The following CHRM3 variants were observed in gnomAD, a reference collection of about 807,000 sequenced individuals.
CHRM3 encodes muscarinic acetylcholine receptor M3.
CHRM3 carries 11 observed loss-of-function variants against 41.8 expected under a neutral mutation model. The ratio of observed to expected loss-of-function variants is 0.26; its 90% CI spans 0.17 to 0.44. CHRM3 has a LOEUF of 0.44. Ranked by LOEUF, CHRM3 falls within the 20% of genes least tolerant of loss-of-function variation. The pLI is 1.00. For synonymous variants in CHRM3, 297 were observed against 301.4 expected, an observed-to-expected ratio of 0.99 and a Z score of 0.15; for missense variants, 571 against 745.4, an observed-to-expected ratio of 0.77 and a Z score of 2.72.
chr1:239,500,244 T>C lies in CHRM3; in HGVS notation c.-422+7437T>C, dbSNP rs180673415. 3.3e-5 allele frequency among the ~76,000 whole-genome samples: 5 copies of C among 152,154 alleles called. No individual in the cohort carries two copies. In the East Asian group the frequency reaches 9.7e-4, roughly 29 times the overall value. On this transcript the variant is annotated intron_variant, in intron 2 of 6. Transcript: ENST00000676153. ...AATGTCCAAGAATGATAGATTGGAT[T>C]AAGAAAATGTGGCACATATACACCA...
At chr1:239,572,220 A>T (rs921139558) in intron 3 of CHRM3, among the ~76,000 whole-genome samples, 7 of 152,180 alleles carry the variant, frequency 4.6e-5, no homozygotes, top group Non-Finnish European at 1.0e-4. Flanking sequence ...TCTACCCATG[A>T]TGACATTGAG....
At chr1:239,503,921 T>G (rs182332562) in intron 2 of CHRM3, among the ~76,000 whole-genome samples, 103 of 152,280 alleles carry the variant, frequency 6.8e-4, no homozygotes, top group Middle Eastern at 3.4e-3. Context: ...CAACTCAAAA[T>G]GGATTAAGTA....
At chr1:239,666,484 G>T (rs1038295348) in intron 4 of CHRM3, among the ~76,000 whole-genome samples, 1 of 151,976 alleles carries the variant, frequency 6.6e-6, no homozygotes, top group South Asian at 2.1e-4. Context: ...GAGTCACCGA[G>T]CCCGGCCTGT....
chr1:239,731,695 A>C (rs1663980950), intron 5 of CHRM3, among the ~76,000 whole-genome samples: 1 of 152,014 alleles, frequency 6.6e-6, no homozygotes, highest in Non-Finnish European at 1.5e-5. Flanking sequence ...AATATCTGGC[A>C]GCAGTTAGAT....
rs144526252 is a variant in CHRM3, at chr1:239,530,354, T to G, written c.-421-15287T>G. 2.2e-4 allele frequency among the ~76,000 whole-genome samples: 33 copies of G among 152,350 alleles called. No homozygotes were observed. In the East Asian group the frequency reaches 4.8e-3, roughly 22 times the overall value. Reference sequence around the variant, plus strand: ...GAACTGAAACTAATATGATATATTTTTAACTATATTGCTCGATCCATTAAA... The same window carrying G: ...GAACTGAAACTAATATGATATATTTGTAACTATATTGCTCGATCCATTAAA... On this transcript the variant is annotated intron_variant, in intron 2 of 6. Coordinates refer to ENST00000676153, the MANE Select transcript of CHRM3 (RefSeq NM_001375978.1).
At chr1:239,584,166 C>T (rs1439154238) in intron 3 of CHRM3, among the ~76,000 whole-genome samples, 3 of 140,622 alleles carry the variant, frequency 2.1e-5, no homozygotes, top group South Asian at 4.4e-4. Flanking sequence ...TGCAGTGGTG[C>T]GATCTTGGCT....
chr1:239,538,475 C>A (rs556935207), intron 2 of CHRM3, among the ~76,000 whole-genome samples: 1 of 152,276 alleles, frequency 6.6e-6, no homozygotes, highest in East Asian at 1.9e-4. Flanking sequence ...TTATCCCCTG[C>A]CTGCCAAAGG....
chr1:239,518,488 G>C (rs1424515340), intron 2 of CHRM3, among the ~76,000 whole-genome samples: 1 of 152,192 alleles, frequency 6.6e-6, no homozygotes, highest in Non-Finnish European at 1.5e-5. Context: ...GATGCTCTCA[G>C]TGGGGGATGG....
chr1:239,615,342 A>C (rs974127030), intron 3 of CHRM3, among the ~76,000 whole-genome samples: 1 of 152,140 alleles, frequency 6.6e-6, no homozygotes, highest in Non-Finnish European at 1.5e-5. Flanking sequence ...AGGTACTTCC[A>C]TGTAATCAGC....
At chr1:239,513,246 T>C (rs1342274868) in intron 2 of CHRM3, among the ~76,000 whole-genome samples, 1 of 152,234 alleles carries the variant, frequency 6.6e-6, no homozygotes, top group Non-Finnish European at 1.5e-5. Context: ...GGGCCTTGAT[T>C]AAATTAGCAT....
intron 2 of CHRM3, among the ~76,000 whole-genome samples, chr1:239,508,482 T>G (rs772976666): frequency 6.6e-5 from 10 of 152,222 alleles, no homozygotes; most frequent in Non-Finnish European, 1.2e-4. Context: ...TATTTGCAAT[T>G]TAATACTTGT....
chr1:239,794,387 GTT>G (rs10925977), intron 5 of CHRM3, among the ~76,000 whole-genome samples: 8,175 of 115,248 alleles, frequency 0.071, 239 homozygotes, highest in East Asian at 0.25. Flanking sequence ...TTCGTTTGTT[GTT>G]TTTTTTTTTT....
chr1:239,871,254 AT>A (rs1175598766), intron 6 of CHRM3, among the ~76,000 whole-genome samples: 1 of 152,010 alleles, frequency 6.6e-6, no homozygotes, highest in Non-Finnish European at 1.5e-5. Context: ...TTATTATATT[AT>A]TTTTTGAGAT....
intron 5 of CHRM3, among the ~76,000 whole-genome samples, chr1:239,802,329 T>C (rs1455168529): frequency 1.3e-5 from 2 of 152,228 alleles, no homozygotes; most frequent in Admixed American, 1.3e-4. Context: ...TATCACTTTG[T>C]ATGTTATTTC....
chr1:239,650,076 C>G (rs1672100482), intron 4 of CHRM3, among the ~76,000 whole-genome samples: 3 of 152,146 alleles, frequency 2.0e-5, no homozygotes, highest in Non-Finnish European at 4.4e-5. Context: ...CTGTGGGACT[C>G]TCATCAGGTG....
chr1:239,628,569 G>A (rs946234280), intron 3 of CHRM3, among the ~76,000 whole-genome samples: 24 of 70,752 alleles, frequency 3.4e-4, no homozygotes, highest in Non-Finnish European at 5.9e-4. Flanking sequence ...TTTGGAGGAG[G>A]AGAGGCGCTC....
At chr1:239,688,153 C>A in intron 5 of CHRM3, among the ~76,000 whole-genome samples, 1 of 149,916 alleles carries the variant, frequency 6.7e-6, no homozygotes. Context: ...GATCTATTTG[C>A]AGAAGGAAAA....
intron 6 of CHRM3, among the ~76,000 whole-genome samples, chr1:239,874,767 C>T (rs993345442): frequency 1.3e-5 from 2 of 151,602 alleles, no homozygotes; most frequent in East Asian, 1.9e-4. Flanking sequence ...GGCGTGATCT[C>T]GGCTCGCTGC....
intron 1 of CHRM3, among the ~76,000 whole-genome samples, chr1:239,480,591 C>G (rs550834808): frequency 1.5e-4 from 18 of 119,472 alleles, no homozygotes; most frequent in African/African-American, 5.9e-4. Flanking sequence ...GAGTCTAGCT[C>G]TGTCACCCAG....
Sources: allele counts gnomAD v4.1 joint callset (sites outside exome capture counted in the v4.1 genomes callset), GRCh38; gene constraint gnomAD v4.1.1; transcripts MANE v1.5; gene names NCBI Gene and HGNC (gene_info 2026-07-23, HGNC 2026-07-21).